Variants in PMFBP1 observed in about 807,000 individuals in gnomAD.
The protein encoded by PMFBP1 is polyamine modulated factor 1 binding protein 1.
In PMFBP1, 131 loss-of-function variants were observed where a neutral mutation model predicts 137.8. The ratio of observed to expected loss-of-function variants is 0.95; its 90% CI spans 0.82 to 1.10. The LOEUF is 1.10. Ranked by LOEUF, PMFBP1 falls within the 50% of genes least tolerant of loss-of-function variation. The pLI, the probability that PMFBP1 is intolerant of heterozygous loss-of-function variation, is 0.00. For missense variants in PMFBP1, 1,199 were observed against 1,175.4 expected, an observed-to-expected ratio of 1.02 and a Z score of -0.29; for synonymous variants, 490 against 450.4, an observed-to-expected ratio of 1.09 and a Z score of -1.11.
chr16:72,188,244 T>C, the PMFBP1 span, among the ~76,000 whole-genome samples: 8 of 152,208 alleles, frequency 5.3e-5, no homozygotes, highest in Admixed American at 2.0e-4. Context: ...ATATGCTCGA[T>C]TGGGCTAATT....
intron 7 of PMFBP1, among the ~76,000 whole-genome samples, chr16:72,138,688 G>T (rs541586559): frequency 6.6e-6 from 1 of 151,696 alleles, no homozygotes; most frequent in East Asian, 1.9e-4. Context: ...GCTAATTTTC[G>T]TATTTTTAGT....
rs981417868 is a variant in PMFBP1 at position 72,139,173 on chromosome 16, C to T, written c.918+116G>A. On this transcript the variant is annotated intron_variant, in intron 7 of 20. Coordinates refer to ENST00000237353, the MANE Select transcript of PMFBP1 (RefSeq NM_031293.3). ...TGTGGCAGGGCCAACCAAGCTCACA[C>T]AGATATAAAATAAAATATAAATTGT... is the stretch of plus-strand genomic sequence containing the variant. 4 of 766,998 alleles carry T rather than the reference C, an allele frequency of 5.2e-6. No individual in the cohort carries two copies. The African/African-American group carries it at 5.3e-5, about 10-fold the overall frequency. The allele number at this position is 766,998 out of a possible 1,614,324, so 47.5% of individuals were successfully genotyped here. A position where few individuals can be genotyped will look rare whatever the true frequency, so the allele number is the denominator to read the frequency against.
chr16:72,140,324 T>G, intron 6 of PMFBP1, 88 bp downstream of exon 6: 2 of 1,344,102 alleles, frequency 1.5e-6, no homozygotes, highest in Non-Finnish European at 1.0e-6. Context: ...CGAAAAAGAT[T>G]AATTTAGGTG....
the PMFBP1 span, among the ~76,000 whole-genome samples, chr16:72,214,407 C>T: frequency 6.6e-6 from 1 of 152,162 alleles, no homozygotes; most frequent in African/African-American, 2.4e-5. Flanking sequence ...GATCCTCTGA[C>T]ATTGTGATCC....
upstream of PMFBP1, among the ~76,000 whole-genome samples, chr16:72,178,222 T>C (rs1303488969): frequency 6.6e-6 from 1 of 152,180 alleles, no homozygotes. Context: ...ATACACCTTC[T>C]TAGTGTATCA....
the PMFBP1 span, among the ~76,000 whole-genome samples, chr16:72,240,448 A>G: frequency 3.9e-5 from 6 of 152,382 alleles, no homozygotes; most frequent in East Asian, 1.2e-3. Context: ...GCCTTCTAAT[A>G]GAATTCCTGA....
upstream of PMFBP1, chr16:72,172,191 G>C (rs898810355): frequency 6.6e-6 from 1 of 152,070 alleles, no homozygotes; most frequent in African/African-American, 2.4e-5. Flanking sequence ...TTATGGAGCT[G>C]AATTCTGATT....
At chr16:72,141,518 T>G (rs994092362) in intron 5 of PMFBP1, among the ~76,000 whole-genome samples, 1 of 152,232 alleles carries the variant, frequency 6.6e-6, no homozygotes, top group Admixed American at 6.5e-5. Flanking sequence ...ATTTACATAA[T>G]ATAAATGAAT....
rs1183480161 is a variant in PMFBP1, at chr16:72,134,815, T to A, written c.1203+1633A>T. Among the ~76,000 whole-genome samples, 4 of 152,318 alleles carry A rather than the reference T, an allele frequency of 2.6e-5. No individual in the cohort carries two copies. The East Asian group carries it at 7.7e-4, about 29-fold the overall frequency. Reference sequence around the variant, plus strand: ...ACCCTATCAGAGAGGACTTCTCTGATCACCCTGTGTACAACCGCCATCAAG... The same window carrying A: ...ACCCTATCAGAGAGGACTTCTCTGAACACCCTGTGTACAACCGCCATCAAG... On this transcript the variant is annotated intron_variant, in intron 9 of 20. Transcript: ENST00000237353.
chr16:72,130,420 C>A, intron 11 of PMFBP1, 63 bp from the exon 12 acceptor site: 2 of 1,610,154 alleles, frequency 1.2e-6, no homozygotes, highest in Non-Finnish European at 1.7e-6. Flanking sequence ...GATTGTGGAG[C>A]TGACCCAATG....
rs561381870 is a variant in PMFBP1, at chr16:72,148,021, G to T, written c.636+2587C>A. Among the ~76,000 whole-genome samples the T allele has an allele frequency of 7.2e-4, 110 of 152,222 alleles. 1 individual carries two copies. The South Asian group carries it at 0.018, about 25-fold the overall frequency. On this transcript the variant is annotated intron_variant, in intron 5 of 20. Coordinates refer to ENST00000237353, the MANE Select transcript of PMFBP1 (RefSeq NM_031293.3). ...TTTGACCCAGCAATTCCATTACTGG[G>T]TATATACCCAAAGGATTATAAGTAA...
chr16:72,179,830 C>A (rs926046075), upstream of PMFBP1, among the ~76,000 whole-genome samples: 7 of 152,254 alleles, frequency 4.6e-5, no homozygotes, highest in African/African-American at 1.7e-4. Flanking sequence ...ATCAAAGGTG[C>A]CTGGCTACAT....
intron 5 of PMFBP1, among the ~76,000 whole-genome samples, chr16:72,145,385 T>C (rs2042789928): frequency 6.6e-6 from 1 of 152,184 alleles, no homozygotes; most frequent in Non-Finnish European, 1.5e-5. Flanking sequence ...TAAAGCAGTG[T>C]GTAGAGGGAA....
the PMFBP1 span, among the ~76,000 whole-genome samples, chr16:72,223,775 G>A: frequency 1.1e-4 from 17 of 152,300 alleles, no homozygotes; most frequent in South Asian, 3.5e-3. Context: ...AGAGGATGGG[G>A]CTACAGGACT....
At chr16:72,196,590 G>C in the PMFBP1 span, among the ~76,000 whole-genome samples, 2 of 152,186 alleles carry the variant, frequency 1.3e-5, no homozygotes, top group Admixed American at 1.3e-4. Flanking sequence ...TCCTGTTGTG[G>C]AGCAGCTGGG....
At chr16:72,232,762 G>C in the PMFBP1 span, among the ~76,000 whole-genome samples, 1 of 152,130 alleles carries the variant, frequency 6.6e-6, no homozygotes, top group South Asian at 2.1e-4. Context: ...ACTTCAGGGA[G>C]ACAGCCTTTA....
chr16:72,133,019 G>T, intron 9 of PMFBP1, 28 bp from the exon 10 acceptor site: 2 of 1,611,914 alleles, frequency 1.2e-6, no homozygotes, highest in Non-Finnish European at 1.7e-6. Flanking sequence ...CAAATGCTGG[G>T]AAAGGTCTGA....
the PMFBP1 span, among the ~76,000 whole-genome samples, chr16:72,190,939 T>C: frequency 6.6e-6 from 1 of 152,208 alleles, no homozygotes; most frequent in African/African-American, 2.4e-5. Context: ...TTCGTGTGTT[T>C]GTTGAATGAA....
chr16:72,140,536 G>C lies in PMFBP1; in HGVS notation c.683C>G (p.Ser228Cys), dbSNP rs958222393. The part of the protein sequence containing the change: ...GDHSKVRIYT[S>C]PCMIQEHQET... ...CTGATGCTCTTGAATCATGCAAGGAGAAGTGTATATCCGTACCTTTGAATG... is the reference window on the plus strand; with the variant it reads ...CTGATGCTCTTGAATCATGCAAGGACAAGTGTATATCCGTACCTTTGAATG... Residue 228 changes from serine (S) to cysteine (C), a missense_variant, in exon 6 of 21, where the codon TCT becomes TGT. Ser to Cys is a moderately radical substitution (Grantham distance 112). Transcript: ENST00000237353. 3 of 1,613,562 alleles carry C rather than the reference G, an allele frequency of 1.9e-6. No homozygotes were observed. Among genetic ancestry groups the C allele is most frequent in the African/African-American group, 1.3e-5 (1 of 74,934 alleles).
Sources: gnomAD v4.1 joint callset for allele counts (sites outside exome capture counted in the v4.1 genomes callset) on GRCh38, gnomAD v4.1.1 for gene constraint, MANE v1.5 for transcripts, NCBI Gene and HGNC (gene_info 2026-07-23, HGNC 2026-07-21) for gene names.